NEB: variants seen among roughly 807,000 people sequenced by gnomAD.
NEB encodes the protein nemaline myopathy type 2.
Under a neutral mutation model 952.2 loss-of-function variants are expected in NEB, and 512 were observed. The ratio of observed to expected loss-of-function variants is 0.54; its 90% CI spans 0.50 to 0.58. NEB has a LOEUF of 0.58. NEB is among the 20% of genes least tolerant of loss of function. NEB has a pLI of 0.00. For synonymous variants in NEB, 2,900 were observed against 3,149.8 expected (o/e 0.92, Z 2.66); for missense variants, 8,428 against 9,231.1 (o/e 0.91, Z 3.56).
rs930747309 is a variant in NEB, at chr2:151,654,971, G to A, written c.6807+299C>T. On this transcript the variant is annotated intron_variant, in intron 51 of 181. Coordinates refer to ENST00000397345, the MANE Select transcript of NEB (RefSeq NM_001164508.2). ...TGAGTAGCTGGGACTACAGGTGCAT[G>A]TCATCACACCTGGCTGTTTGATGCA... 1.4e-4 allele frequency among the ~76,000 whole-genome samples: 22 copies of A among 152,112 alleles called. 1 individual carries two copies. The highest frequency in any genetic ancestry group is 1.2e-3 in the Admixed American group (19 of 15,256).
intron 130 of NEB, among the ~76,000 whole-genome samples, chr2:151,549,178 C>T (rs1186122683): frequency 6.6e-6 from 1 of 152,192 alleles, no homozygotes; most frequent in African/African-American, 2.4e-5. Context: ...AAATATCAGC[C>T]AGCAGCTAGG....
At chr2:151,512,467 C>T (rs1451349485) in intron 161 of NEB, among the ~76,000 whole-genome samples, 1 of 152,090 alleles carries the variant, frequency 6.6e-6, no homozygotes, top group Non-Finnish European at 1.5e-5. Context: ...CTGGGACTGG[C>T]GTGCACCACC....
At position 151,524,305 on chromosome 2, in the gene NEB, C is replaced by T; in HGVS notation, c.22479+6G>A. On this transcript the variant is annotated splice_donor_region_variant and intron_variant, in intron 153 of 181. Transcript: ENST00000397345. ...TGAGAGCCACCAGTGCACCCATCTGCATTACCTGGCTGCTCAGCTTGGCTG... is the reference window on the plus strand; with the variant it reads ...TGAGAGCCACCAGTGCACCCATCTGTATTACCTGGCTGCTCAGCTTGGCTG... 1 of 1,611,710 alleles carries T rather than the reference C, an allele frequency of 6.2e-7. No homozygotes were observed. Among genetic ancestry groups the T allele is most frequent in the Non-Finnish European group, 8.5e-7 (1 of 1,178,112 alleles).
intron 35 of NEB, 90 bp downstream of exon 35, chr2:151,675,197 A>C: frequency 1.1e-6 from 1 of 915,540 alleles, no homozygotes; most frequent in Non-Finnish European, 1.8e-6. Context: ...AAATGGGCCT[A>C]AATAAATTGT....
At position 151,561,057 on chromosome 2, in the gene NEB, G is replaced by A. The variant is rs781260315; in HGVS notation, c.19153C>T (p.Leu6385=). ...HQIKDKYTTV[L]ETVDYDRTRN... is the part of the protein sequence containing the mutation. ...GTTCTGTCATAATCCACTGTTTCTAGAACTGTTGTGTATTTGTCCTTAATC... is the reference window on the plus strand; with the variant it reads ...GTTCTGTCATAATCCACTGTTTCTAAAACTGTTGTGTATTTGTCCTTAATC... The change falls in exon 123 of 182, where the codon CTA becomes TTA. Residue 6385 remains leucine (L), a synonymous_variant. Coordinates refer to ENST00000397345, the MANE Select transcript of NEB (RefSeq NM_001164508.2). The A allele has an allele frequency of 6.2e-7, 1 of 1,608,578 alleles. No homozygotes were observed. Among genetic ancestry groups the A allele is most frequent in the African/African-American group, 1.3e-5 (1 of 74,718 alleles).
chr2:151,564,998 G>A, intron 117 of NEB, 46 bp downstream of exon 117: 1 of 1,155,660 alleles, frequency 8.7e-7, no homozygotes. Context: ...TGCAACAAGA[G>A]CTTCAAATTA....
chr2:151,644,103 C>T lies in NEB; in HGVS notation c.7671G>A (p.Lys2557=), dbSNP rs1469538467. ...GGGCACCAATGTGGTGGCCGAGCTG[C>T]TTGCGAAAGCCTTCCTTGTACTTGT... The part of the protein sequence containing the change: ...SEYKYKEGFR[K]QLGHHIGARN... Residue 2557 remains lysine (K), a synonymous_variant, in exon 57 of 182, where the codon AAG becomes AAA. Coordinates refer to ENST00000397345, the MANE Select transcript of NEB (RefSeq NM_001164508.2). 1.2e-6 allele frequency: 2 copies of T among 1,613,758 alleles called. No individual in the cohort carries two copies. Among genetic ancestry groups the T allele is most frequent in the Non-Finnish European group, 1.7e-6 (2 of 1,179,798 alleles).
chr2:151,627,344 C>T (rs1357006822), intron 69 of NEB, 139 bp from the exon 70 acceptor site: 5 of 1,357,750 alleles, frequency 3.7e-6, no homozygotes, highest in Non-Finnish European at 5.0e-6. Context: ...AAATTGAATA[C>T]AGTCTCAGGT....
intron 65 of NEB, among the ~76,000 whole-genome samples, chr2:151,631,650 C>T (rs2098670309): frequency 6.6e-6 from 1 of 152,000 alleles, no homozygotes; most frequent in African/African-American, 2.4e-5. Flanking sequence ...GAATACCAAC[C>T]CAGAGAGACA....
At chr2:151,528,515 A>G (rs895900293) in intron 146 of NEB, among the ~76,000 whole-genome samples, 2 of 152,164 alleles carry the variant, frequency 1.3e-5, no homozygotes, top group African/African-American at 4.8e-5. Context: ...CTGTCCTTCT[A>G]TCCGTCTGCC....
rs764778381 is a variant in NEB, at chr2:151,674,477, A to G, written c.3987T>C (p.Asp1329=). 4 of 1,612,884 alleles carry G rather than the reference A, an allele frequency of 2.5e-6. No homozygotes were observed. The highest frequency in any genetic ancestry group is 1.7e-5 in the Admixed American group (1 of 60,008). ...AACTTCACCTAAAATTTGTACTCACATCACTGGCAATGTTTCTCGATGCCT... is the reference window on the plus strand; with the variant it reads ...AACTTCACCTAAAATTTGTACTCACGTCACTGGCAATGTTTCTCGATGCCT... ...AAKASRNIAS[D]YKYKEAYEKS... is the part of the protein sequence containing the mutation. Residue 1329 remains aspartate (D), a splice_region_variant and synonymous_variant, in exon 36 of 182, where the codon GAT becomes GAC. Coordinates refer to ENST00000397345, the MANE Select transcript of NEB (RefSeq NM_001164508.2).
Position 151,727,873 on chromosome 2 carries a change from T to C in NEB, c.112A>G (p.Arg38Gly). ...TCTGATTGCTCATAGTCAGATGTCCTTGTTGTCGTAGTCTCATAAATTTTT... is the reference window on the plus strand; with the variant it reads ...TCTGATTGCTCATAGTCAGATGTCCCTGTTGTCGTAGTCTCATAAATTTTT... The part of the protein sequence containing the change: ...ITKIYETTTT[R>G]TSDYEQSETS... Residue 38 changes from arginine to glycine, a missense_variant, in exon 5 of 182, where the codon AGG becomes GGG. Physicochemically the swap from Arg to Gly is moderately radical, Grantham distance 125 (BLOSUM62 -2). Around this residue, in one of 11 missense-constraint regions of NEB, gnomAD observed 2,851 missense variants for 2,791.5 expected, o/e 1.02. Transcript: ENST00000397345. The C allele has an allele frequency of 6.2e-7, 1 of 1,613,632 alleles. No individual in the cohort carries two copies. Among genetic ancestry groups the C allele is most frequent in the Non-Finnish European group, 8.5e-7 (1 of 1,179,710 alleles).
Position 151,642,645 on chromosome 2 carries a change from T to G in NEB, c.8302A>C (p.Lys2768Gln). 6.2e-7 allele frequency: 1 copy of G among 1,613,986 alleles called. No individual in the cohort carries two copies. The highest frequency in any genetic ancestry group is 8.5e-7 in the Non-Finnish European group (1 of 1,179,862). Residue 2768 changes from lysine to glutamine, a missense_variant, in exon 60 of 182, where the codon AAA becomes CAA. Transcript: ENST00000397345. ...GCATCTACCCGCATGTCATAACCTT[T>G]CCTCTTGGCTTCTTCTAGGCCAAGC... Reference protein sequence around the residue: ...YKLGLEEAKRKGYDMRVDAIP... With the variant: ...YKLGLEEAKRQGYDMRVDAIP...
At chr2:151,564,755 T>C (rs372936552) in intron 117 of NEB, among the ~76,000 whole-genome samples, 5 of 152,316 alleles carry the variant, frequency 3.3e-5, no homozygotes, top group African/African-American at 1.2e-4. Context: ...TCAATTTAAG[T>C]CTGTTCCCCT....
At chr2:151,525,075 G>A in intron 151 of NEB, 88 bp downstream of exon 151, 1 of 972,008 alleles carries the variant, frequency 1.0e-6, no homozygotes, top group South Asian at 1.4e-5. Flanking sequence ...AGGAATTAGA[G>A]TGACCACACA....
chr2:151,665,797 G>C (rs543032074), intron 41 of NEB, among the ~76,000 whole-genome samples: 1 of 152,234 alleles, frequency 6.6e-6, no homozygotes, highest in African/African-American at 2.4e-5. Context: ...AAAATTAACA[G>C]AATTTTGCAC....
chr2:151,526,999 C>T lies in NEB; in HGVS notation c.21864G>A (p.Glu7288=), dbSNP rs908088198. ...CAGAAAGCTTGCAACCCTTGAGGAA[C>T]TCCCGGTCCAGCTTATATTCAAACT... ...QSDFEYKLDR[E]FLKGCKLSVT... The change falls in exon 148 of 182, where the codon GAG becomes GAA. Residue 7288 remains glutamate (E), a synonymous_variant. Coordinates refer to ENST00000397345, the MANE Select transcript of NEB (RefSeq NM_001164508.2). 6 of 1,600,722 alleles carry T rather than the reference C, an allele frequency of 3.7e-6. No homozygotes were observed. The highest frequency in any genetic ancestry group is 4.3e-6 in the Non-Finnish European group (5 of 1,172,480).
At chr2:151,670,555 T>A (rs2099273605) in intron 38 of NEB, among the ~76,000 whole-genome samples, 1 of 151,928 alleles carries the variant, frequency 6.6e-6, no homozygotes, top group South Asian at 2.1e-4. Context: ...TGACTGCAAA[T>A]AAACTGCTTA....
At chr2:151,692,448 A>G in intron 20 of NEB, 86 bp from the exon 21 acceptor site, 2 of 1,085,292 alleles carry the variant, frequency 1.8e-6, no homozygotes, top group Non-Finnish European at 2.7e-6. Flanking sequence ...GCTGCACTTT[A>G]ACTGAAGGGG....
Sources: allele counts gnomAD v4.1 joint callset (sites outside exome capture counted in the v4.1 genomes callset), GRCh38; gene constraint gnomAD v4.1.1; regional missense constraint gnomAD v4.1.1; transcripts MANE v1.5; gene names NCBI Gene and HGNC (gene_info 2026-07-23, HGNC 2026-07-21).